The following SPACA7 variants were observed in gnomAD, a reference collection of about 807,000 sequenced individuals.
SPACA7 encodes sperm acrosome-associated protein 7.
SPACA7 carries 19 observed loss-of-function variants against 26.3 expected under a neutral mutation model. That is an observed-to-expected ratio of 0.72 (90% CI 0.50 to 1.06). The LOEUF is 1.06. Among genes scored for constraint, SPACA7 ranks in the 50% least tolerant of loss-of-function variants. The probability of loss-of-function intolerance (pLI) is 0.00; values close to 1 mark genes in which losing one functional copy is unlikely to be tolerated. For missense variants in SPACA7, 211 were observed against 229.9 expected (o/e 0.92, Z 0.53); for synonymous variants, 84 against 84.5 (o/e 0.99, Z 0.04).
chr13:112,408,662 G>A (rs1424967685), intron 5 of SPACA7, among the ~76,000 whole-genome samples: 2 of 152,004 alleles, frequency 1.3e-5, no homozygotes, highest in African/African-American at 2.4e-5. Flanking sequence ...CAACTTACAA[G>A]GGATGTGAAG....
At position 112,398,126 on chromosome 13, in the gene SPACA7, T is replaced by C. The variant is rs541850325; in HGVS notation, c.229T>C (p.Ser77Pro). The change falls in exon 3 of 7, where the codon TCA becomes CCA. Residue 77 changes from serine to proline, a missense_variant. Coordinates refer to ENST00000283550, the MANE Select transcript of SPACA7 (RefSeq NM_145248.5). The part of the protein sequence containing the change: ...SEMPSTASTL[S>P]TPLHAGIDEN... Reference sequence around the variant, plus strand: ...AATGCCAAGTACAGCATCAACATTATCAACACCGTTACGTAAGGAGAAAAG... The same window carrying C: ...AATGCCAAGTACAGCATCAACATTACCAACACCGTTACGTAAGGAGAAAAG... 7 of 1,613,452 alleles carry C rather than the reference T, an allele frequency of 4.3e-6. No homozygotes were observed. In the East Asian group the frequency reaches 1.3e-4, roughly 31 times the overall value.
chr13:112,397,209 G>C (rs1253649976), intron 2 of SPACA7, among the ~76,000 whole-genome samples: 1 of 152,168 alleles, frequency 6.6e-6, no homozygotes, highest in Non-Finnish European at 1.5e-5. Flanking sequence ...GCATGAGCTG[G>C]TCCTGGGGTG....
intron 1 of SPACA7, among the ~76,000 whole-genome samples, chr13:112,376,817 A>G (rs938422488): frequency 2.0e-5 from 3 of 152,106 alleles, no homozygotes; most frequent in Non-Finnish European, 4.4e-5. Flanking sequence ...TCCACACCAC[A>G]TACACACACT....
At chr13:112,402,609 G>A (rs76145726) in intron 5 of SPACA7, among the ~76,000 whole-genome samples, 3,104 of 152,186 alleles carry the variant, frequency 0.02, 95 homozygotes, top group African/African-American at 0.07. Context: ...CTTGTTCATG[G>A]CCTTCATAGA....
intron 1 of SPACA7, among the ~76,000 whole-genome samples, chr13:112,380,597 T>C (rs906172255): frequency 2.6e-5 from 4 of 152,126 alleles, no homozygotes; most frequent in Non-Finnish European, 5.9e-5. Flanking sequence ...TCTCTTTTTT[T>C]CTCAGAGACT....
At chr13:112,383,329 A>G (rs537886232) in intron 1 of SPACA7, among the ~76,000 whole-genome samples, 2 of 152,162 alleles carry the variant, frequency 1.3e-5, no homozygotes, top group African/African-American at 4.8e-5. Context: ...AAGCACTAAC[A>G]GCAATGTACT....
chr13:112,415,466 A>T (rs1271226194), intron 5 of SPACA7, among the ~76,000 whole-genome samples: 1 of 152,050 alleles, frequency 6.6e-6, no homozygotes, highest in African/African-American at 2.4e-5. Context: ...CGGCCTAGAA[A>T]TGTTGTCTGG....
At chr13:112,387,037 A>G (rs753128088) in intron 1 of SPACA7, among the ~76,000 whole-genome samples, 4 of 152,258 alleles carry the variant, frequency 2.6e-5, no homozygotes, top group African/African-American at 7.2e-5. Flanking sequence ...AGGAATCATT[A>G]CAGAAACCAA....
intron 5 of SPACA7, among the ~76,000 whole-genome samples, chr13:112,410,174 C>T (rs1177032270): frequency 2.0e-5 from 3 of 151,956 alleles, no homozygotes; most frequent in Admixed American, 1.3e-4. Flanking sequence ...AATGAGAACA[C>T]TTGGACACAG....
intron 5 of SPACA7, among the ~76,000 whole-genome samples, chr13:112,425,111 C>T (rs902877087): frequency 5.9e-5 from 9 of 152,174 alleles, no homozygotes; most frequent in Non-Finnish European, 1.2e-4. Context: ...GTGACCTTAC[C>T]AACAACTCAG....
At chr13:112,426,723 T>C (rs1452278546) in intron 5 of SPACA7, among the ~76,000 whole-genome samples, 1 of 152,258 alleles carries the variant, frequency 6.6e-6, no homozygotes, top group Non-Finnish European at 1.5e-5. Flanking sequence ...ATATTATTGC[T>C]TTTGTATATT....
intron 1 of SPACA7, among the ~76,000 whole-genome samples, chr13:112,386,210 T>C (rs1884516825): frequency 6.6e-6 from 1 of 152,198 alleles, no homozygotes; most frequent in Non-Finnish European, 1.5e-5. Flanking sequence ...GGTGGGGATG[T>C]TTCCCTATCT....
chr13:112,426,351 A>G (rs994468246), intron 5 of SPACA7, among the ~76,000 whole-genome samples: 3 of 152,126 alleles, frequency 2.0e-5, no homozygotes, highest in Non-Finnish European at 4.4e-5. Flanking sequence ...GAATTTTCCA[A>G]CTTTGTTCTT....
intron 5 of SPACA7, among the ~76,000 whole-genome samples, chr13:112,408,700 C>T (rs1886151264): frequency 6.6e-6 from 1 of 152,142 alleles, no homozygotes; most frequent in Non-Finnish European, 1.5e-5. Context: ...CAACAAACCA[C>T]TGCTCAACAA....
intron 5 of SPACA7, among the ~76,000 whole-genome samples, chr13:112,418,631 G>T (rs1886837169): frequency 6.6e-6 from 1 of 152,158 alleles, no homozygotes; most frequent in Non-Finnish European, 1.5e-5. Context: ...TGTAAAGAAT[G>T]ATTCCCTTAA....
At chr13:112,418,309 A>G (rs1886816541) in intron 5 of SPACA7, among the ~76,000 whole-genome samples, 1 of 152,246 alleles carries the variant, frequency 6.6e-6, no homozygotes, top group South Asian at 2.1e-4. Context: ...TCCCTTATGA[A>G]ACATAGAAAT....
chr13:112,434,398 G>C (rs1296209803), intron 6 of SPACA7, 87 bp from the exon 7 acceptor site: 6 of 1,141,834 alleles, frequency 5.3e-6, no homozygotes, highest in Admixed American at 4.0e-5. Context: ...GGTTCCTCCT[G>C]TCCCCTGGTG....
intron 3 of SPACA7, 103 bp from the exon 4 acceptor site, chr13:112,398,963 A>T: frequency 4.1e-6 from 3 of 723,164 alleles, no homozygotes; most frequent in Non-Finnish European, 7.2e-6. Flanking sequence ...AACTGTATTA[A>T]CATCCCAACC....
chr13:112,412,609 C>A (rs1292149745), intron 5 of SPACA7, among the ~76,000 whole-genome samples: 1 of 151,560 alleles, frequency 6.6e-6, no homozygotes, highest in Non-Finnish European at 1.5e-5. Flanking sequence ...AAGTCTTTAA[C>A]CCATTTTGAG....
Sources: gnomAD v4.1 joint callset for allele counts (sites outside exome capture counted in the v4.1 genomes callset) on GRCh38, gnomAD v4.1.1 for gene constraint, MANE v1.5 for transcripts, NCBI Gene and HGNC (gene_info 2026-07-23, HGNC 2026-07-21) for gene names.